The following DPP6 variants were observed in gnomAD, a reference collection of about 807,000 sequenced individuals.
DPP6 encodes A-type potassium channel modulatory protein DPP6.
A neutral mutation model predicts 122.6 loss-of-function variants in DPP6; 69 were observed. That is an observed-to-expected ratio of 0.56 (90% confidence interval 0.46 to 0.69). The LOEUF is 0.69. DPP6 is among the 30% of genes least tolerant of loss of function. The pLI, the probability that DPP6 is intolerant of heterozygous loss-of-function variation, is 0.00. For synonymous variants in DPP6, 418 were observed against 433.1 expected (o/e 0.97, Z 0.43); for missense variants, 928 against 1,116.9 (o/e 0.83, Z 2.41).
At chr7:154,515,452 G>GTTCC (rs1433251595) in intron 3 of DPP6, among the ~76,000 whole-genome samples, 1 of 151,978 alleles carries the variant, frequency 6.6e-6, no homozygotes, top group African/African-American at 2.4e-5. Flanking sequence ...CTGTTTCTGA[G>GTTCC]TTCCTTCCTA....
intron 16 of DPP6, among the ~76,000 whole-genome samples, chr7:154,832,901 A>G (rs1800744666): frequency 6.6e-6 from 1 of 152,228 alleles, no homozygotes; most frequent in Non-Finnish European, 1.5e-5. Context: ...GCCACAACTG[A>G]CAATGTCAAG....
intron 1 of DPP6, among the ~76,000 whole-genome samples, chr7:154,304,517 C>G (rs556215826): frequency 1.3e-5 from 2 of 152,038 alleles, no homozygotes; most frequent in Non-Finnish European, 2.9e-5. Flanking sequence ...GCTCAGGACA[C>G]AGTGGGGAGC....
the DPP6 span, among the ~76,000 whole-genome samples, chr7:153,761,198 C>T: frequency 6.6e-6 from 1 of 152,160 alleles, no homozygotes; most frequent in East Asian, 1.9e-4. Flanking sequence ...TTATTTGTTT[C>T]AGGCAGGAGG....
intron 1 of DPP6, among the ~76,000 whole-genome samples, chr7:153,995,754 G>C (rs1177887968): frequency 6.6e-6 from 1 of 152,102 alleles, no homozygotes; most frequent in Non-Finnish European, 1.5e-5. Flanking sequence ...ATTGAGAAAA[G>C]GTAATTCTGA....
rs116679745 is a variant in DPP6, at chr7:154,414,004, G to T, written c.244-32210G>T. 1.7e-3 allele frequency among the ~76,000 whole-genome samples: 264 copies of T among 152,204 alleles called. 1 individual carries two copies. Among genetic ancestry groups the T allele is most frequent in the African/African-American group, 5.9e-3 (245 of 41,546 alleles). ...AAGTGAAGCATGGAACCTGTAAATTGCCTGTTTTTGAAGCCATCGTGTCCA... is the reference window on the plus strand; with the variant it reads ...AAGTGAAGCATGGAACCTGTAAATTTCCTGTTTTTGAAGCCATCGTGTCCA... On this transcript the variant is annotated intron_variant, in intron 1 of 25. Transcript: ENST00000377770.
In DPP6 at chr7:154,583,322, G is replaced by A. The variant is rs556588689; in HGVS notation, c.627+16406G>A. Among the ~76,000 whole-genome samples the A allele has an allele frequency of 2.0e-4, 30 of 152,312 alleles. No homozygotes were observed. In the South Asian group the frequency reaches 6.0e-3, roughly 30 times the overall value. ...AATTTTGGGTGGACACAAACATTCG[G>A]TCTATGTGCCAATCTCCTCAGGCCT... On this transcript the variant is annotated intron_variant, in intron 5 of 25. Transcript: ENST00000377770.
chr7:153,930,345 G>A (rs1194521178), intron 1 of DPP6, among the ~76,000 whole-genome samples: 1 of 152,042 alleles, frequency 6.6e-6, no homozygotes, highest in East Asian at 1.9e-4. Context: ...GTGTAGTCAG[G>A]GTAGTCACTG....
At chr7:153,937,879 G>A (rs575107136) in intron 1 of DPP6, among the ~76,000 whole-genome samples, 2 of 152,142 alleles carry the variant, frequency 1.3e-5, no homozygotes, top group South Asian at 2.1e-4. Flanking sequence ...ACTGCATCAC[G>A]TGAAGCAAGA....
intron 1 of DPP6, among the ~76,000 whole-genome samples, chr7:153,964,964 CTTTCA>C (rs1795601855): frequency 9.0e-6 from 1 of 111,020 alleles, no homozygotes; most frequent in Non-Finnish European, 1.8e-5. Flanking sequence ...CTCTTTCTTT[CTTTCA>C]TTTCTTTTCC....
At chr7:154,303,144 G>A (rs1344261745) in intron 1 of DPP6, among the ~76,000 whole-genome samples, 1 of 152,192 alleles carries the variant, frequency 6.6e-6, no homozygotes, top group African/African-American at 2.4e-5. Flanking sequence ...GCCACGCCCA[G>A]CTAATTGGGG....
At chr7:154,478,013 T>A (rs1167785509) in intron 3 of DPP6, among the ~76,000 whole-genome samples, 1 of 152,006 alleles carries the variant, frequency 6.6e-6, no homozygotes, top group African/African-American at 2.4e-5. Flanking sequence ...TTTTTTTTTT[T>A]ATCTTATTCC....
intron 1 of DPP6, among the ~76,000 whole-genome samples, chr7:153,898,031 A>G (rs1440966630): frequency 6.6e-6 from 1 of 152,258 alleles, no homozygotes; most frequent in Non-Finnish European, 1.5e-5. Context: ...CAAGAGCATC[A>G]GAGGAGAAAA....
intron 1 of DPP6, among the ~76,000 whole-genome samples, chr7:154,093,336 A>C (rs945501044): frequency 6.9e-6 from 1 of 145,628 alleles, no homozygotes; most frequent in Non-Finnish European, 1.5e-5. Flanking sequence ...TACACACCAC[A>C]TCATACACAG....
At chr7:153,823,575 T>C in the DPP6 span, among the ~76,000 whole-genome samples, 1 of 142,812 alleles carries the variant, frequency 7.0e-6, no homozygotes, top group Non-Finnish European at 1.5e-5. Flanking sequence ...GCGCATTTAA[T>C]TTCCACTCAC....
chr7:153,883,276 G>A (rs768376258), upstream of DPP6, among the ~76,000 whole-genome samples: 2 of 152,280 alleles, frequency 1.3e-5, no homozygotes, highest in African/African-American at 2.4e-5. Context: ...AAATGGTTCC[G>A]AATTGAATTT....
At chr7:153,935,248 G>A (rs1801376797) in intron 1 of DPP6, among the ~76,000 whole-genome samples, 1 of 151,904 alleles carries the variant, frequency 6.6e-6, no homozygotes, top group African/African-American at 2.4e-5. Flanking sequence ...TGCCAGAGAA[G>A]GGGGGGGACG....
chr7:154,200,320 A>C (rs1362007936), intron 1 of DPP6, among the ~76,000 whole-genome samples: 1 of 152,156 alleles, frequency 6.6e-6, no homozygotes, highest in Non-Finnish European at 1.5e-5. Flanking sequence ...CATTACCTTA[A>C]ATATTTGTCT....
At chr7:154,245,751 T>C (rs896807042) in intron 1 of DPP6, among the ~76,000 whole-genome samples, 1 of 152,064 alleles carries the variant, frequency 6.6e-6, no homozygotes, top group Non-Finnish European at 1.5e-5. Context: ...GGTTAACTTA[T>C]TAGAAAGATA....
At chr7:154,147,742 C>T (rs1282433435) in intron 1 of DPP6, among the ~76,000 whole-genome samples, 1 of 151,872 alleles carries the variant, frequency 6.6e-6, no homozygotes, top group African/African-American at 2.4e-5. Context: ...AAGGGTTTCA[C>T]CATGTTGGCC....
Sources: gnomAD v4.1 joint callset for allele counts (sites outside exome capture counted in the v4.1 genomes callset) on GRCh38, gnomAD v4.1.1 for gene constraint, MANE v1.5 for transcripts, NCBI Gene and HGNC (gene_info 2026-07-23, HGNC 2026-07-21) for gene names.